The following ULK4 variants were observed in gnomAD, a reference collection of about 807,000 sequenced individuals.
The protein encoded by ULK4 is inactive serine/threonine-protein kinase ULK4.
ULK4 carries 133 observed loss-of-function variants against 160.6 expected under a neutral mutation model. The observed-to-expected ratio is 0.83, with a 90% CI of 0.72 to 0.96. The LOEUF is 0.96. ULK4 is among the 40% of genes least tolerant of loss of function. The pLI, the probability that ULK4 is intolerant of heterozygous loss-of-function variation, is 0.00. For missense variants in ULK4, 1,580 were observed against 1,499.5 expected, an observed-to-expected ratio of 1.05 and a Z score of -0.89; for synonymous variants, 534 against 539.8, an observed-to-expected ratio of 0.99 and a Z score of 0.15.
chr3:41,842,386 T>G (rs1264153626), intron 17 of ULK4, among the ~76,000 whole-genome samples: 1 of 152,138 alleles, frequency 6.6e-6, no homozygotes, highest in Non-Finnish European at 1.5e-5. Flanking sequence ...ATGAAAACTG[T>G]TTGGAAATTG....
intron 4 of ULK4, 107 bp from the exon 5 acceptor site, chr3:41,932,113 T>C: frequency 1.1e-6 from 1 of 933,224 alleles, no homozygotes; most frequent in South Asian, 2.6e-5. Context: ...TGCTATTCTT[T>C]ATCAGAACTC....
chr3:41,938,848 T>C (rs2148828152), intron 2 of ULK4, among the ~76,000 whole-genome samples: 1 of 152,290 alleles, frequency 6.6e-6, no homozygotes, highest in African/African-American at 2.4e-5. Flanking sequence ...ATTCTACTTT[T>C]CTCTCATTTT....
rs916949100 is a variant in ULK4, at chr3:41,570,074, T to C, written c.3121-3944A>G. Among the ~76,000 whole-genome samples, 14 of 152,290 alleles carry C rather than the reference T, an allele frequency of 9.2e-5. 2 individuals carry two copies. The highest frequency in any genetic ancestry group is 6.8e-3 in the Middle Eastern group (2 of 294). ...AGCAGAGAATCCAGGAACCTCTTGA[T>C]TGGACACGTGGTTTCCAAGGCTTAC... On this transcript the variant is annotated intron_variant, in intron 31 of 36. Coordinates refer to ENST00000301831, the MANE Select transcript of ULK4 (RefSeq NM_017886.4).
intron 31 of ULK4, among the ~76,000 whole-genome samples, chr3:41,578,785 G>A (rs901030366): frequency 3.9e-5 from 6 of 152,266 alleles, no homozygotes; most frequent in South Asian, 4.1e-4. Context: ...GGACAAGTGG[G>A]AATAATAAGG....
chr3:41,296,451 C>T (rs1160543350), intron 35 of ULK4, among the ~76,000 whole-genome samples: 4 of 152,136 alleles, frequency 2.6e-5, no homozygotes. Context: ...GCCACAGGCC[C>T]ACCAGAACTG....
At chr3:41,470,184 T>C (rs970819580) in intron 32 of ULK4, among the ~76,000 whole-genome samples, 6 of 151,950 alleles carry the variant, frequency 3.9e-5, no homozygotes, top group African/African-American at 1.5e-4. Flanking sequence ...CATAATCAAA[T>C]TATGAAAAAT....
At chr3:41,814,274 C>T (rs1311402093) in intron 19 of ULK4, among the ~76,000 whole-genome samples, 6 of 152,178 alleles carry the variant, frequency 3.9e-5, no homozygotes, top group Non-Finnish European at 7.4e-5. Flanking sequence ...GCTTTGTATG[C>T]TTAACAAAAT....
intron 34 of ULK4, among the ~76,000 whole-genome samples, chr3:41,442,575 A>C (rs28660078): frequency 0.25 from 37,900 of 152,030 alleles, 4,991 homozygotes; most frequent in African/African-American, 0.32. Context: ...TGATCTTTAA[A>C]GTTTCTTTTC....
intron 34 of ULK4, among the ~76,000 whole-genome samples, chr3:41,416,516 C>T (rs1403589702): frequency 6.6e-6 from 1 of 152,186 alleles, no homozygotes; most frequent in African/African-American, 2.4e-5. Flanking sequence ...CAAAACAAAA[C>T]TATTTGCTTC....
At chr3:41,876,453 T>C (rs1697304733) in intron 17 of ULK4, among the ~76,000 whole-genome samples, 3 of 152,232 alleles carry the variant, frequency 2.0e-5, no homozygotes, top group Non-Finnish European at 4.4e-5. Context: ...GCACTGAACA[T>C]TCTTTCATTA....
intron 8 of ULK4, among the ~76,000 whole-genome samples, chr3:41,915,215 T>C (rs1698925055): frequency 6.6e-6 from 1 of 152,246 alleles, no homozygotes; most frequent in African/African-American, 2.4e-5. Flanking sequence ...GAAAGCATTC[T>C]AATATAAGTA....
At chr3:41,554,376 A>G (rs76834113) in intron 32 of ULK4, among the ~76,000 whole-genome samples, 9,291 of 152,248 alleles carry the variant, frequency 0.061, 846 homozygotes, top group African/African-American at 0.2. Context: ...TCAGCCATAA[A>G]AGAGAATGAA....
intron 20 of ULK4, among the ~76,000 whole-genome samples, chr3:41,791,820 T>C (rs1244788186): frequency 6.6e-6 from 1 of 152,206 alleles, no homozygotes; most frequent in Non-Finnish European, 1.5e-5. Flanking sequence ...GCACCAACTA[T>C]ATACCTCTCC....
chr3:41,538,845 A>G (rs557562629), intron 32 of ULK4, among the ~76,000 whole-genome samples: 2 of 152,168 alleles, frequency 1.3e-5, no homozygotes, highest in Non-Finnish European at 2.9e-5. Flanking sequence ...TATGGAGAAA[A>G]TGATGCTGTG....
chr3:41,441,976 T>C (rs2083180498), intron 34 of ULK4, among the ~76,000 whole-genome samples: 1 of 152,208 alleles, frequency 6.6e-6, no homozygotes, highest in Non-Finnish European at 1.5e-5. Flanking sequence ...TATTTTAAAA[T>C]AGCCACTCCA....
At chr3:41,253,970 T>TA (rs1347542082) in intron 35 of ULK4, among the ~76,000 whole-genome samples, 1 of 152,186 alleles carries the variant, frequency 6.6e-6, no homozygotes, top group African/African-American at 2.4e-5. Flanking sequence ...TGTATACATC[T>TA]AACAGTAGAA....
At chr3:41,582,853 T>C (rs779678052) in intron 31 of ULK4, among the ~76,000 whole-genome samples, 5 of 152,370 alleles carry the variant, frequency 3.3e-5, no homozygotes, top group Admixed American at 2.0e-4. Flanking sequence ...TAGTTGTAGA[T>C]ATGCCTGAAG....
chr3:41,607,479 T>C (rs1559428855), intron 31 of ULK4, among the ~76,000 whole-genome samples: 1 of 152,138 alleles, frequency 6.6e-6, no homozygotes, highest in Non-Finnish European at 1.5e-5. Context: ...CAATATTCAA[T>C]TGTGCTAAGG....
intron 17 of ULK4, among the ~76,000 whole-genome samples, chr3:41,837,889 T>C (rs2041806203): frequency 6.6e-6 from 1 of 152,160 alleles, no homozygotes; most frequent in African/African-American, 2.4e-5. Context: ...GCTGAACGTA[T>C]TCTATTGTAT....
Sources: allele counts gnomAD v4.1 joint callset (sites outside exome capture counted in the v4.1 genomes callset), GRCh38; gene constraint gnomAD v4.1.1; transcripts MANE v1.5; gene names NCBI Gene and HGNC (gene_info 2026-07-23, HGNC 2026-07-21).